Variants in PALLD observed in about 807,000 individuals in gnomAD.
PALLD encodes the protein palladin.
Under a neutral mutation model 123.5 loss-of-function variants are expected in PALLD, and 61 were observed. That is an observed-to-expected ratio of 0.49 (90% CI 0.40 to 0.61). The LOEUF (loss-of-function observed/expected upper bound fraction) is 0.61, where lower values mean the gene tolerates loss of function less well. Ranked by LOEUF, PALLD falls within the 20% of genes least tolerant of loss-of-function variation. The pLI, the probability that PALLD is intolerant of heterozygous loss-of-function variation, is 0.00. For missense variants in PALLD, 1,273 were observed against 1,377.0 expected (o/e 0.92, Z 1.20); for synonymous variants, 465 against 496.4 (o/e 0.94, Z 0.84).
At chr4:168,729,787 C>T (rs956654229) in intron 10 of PALLD, among the ~76,000 whole-genome samples, 25 of 152,190 alleles carry the variant, frequency 1.6e-4, no homozygotes, top group Non-Finnish European at 3.7e-4. Context: ...CTTCTAGACC[C>T]TGCTTGTCTG....
chr4:168,788,603 C>T (rs940237535), intron 10 of PALLD, among the ~76,000 whole-genome samples: 3 of 152,054 alleles, frequency 2.0e-5, no homozygotes, highest in African/African-American at 4.8e-5. Context: ...CAAGAGTGAA[C>T]GCTGGTGTAA....
At chr4:168,552,333 G>A (rs1237572048) in intron 2 of PALLD, among the ~76,000 whole-genome samples, 1 of 152,132 alleles carries the variant, frequency 6.6e-6, no homozygotes, top group Admixed American at 6.5e-5. Context: ...GAGTTGGTGA[G>A]AAACAAGCAG....
intron 2 of PALLD, among the ~76,000 whole-genome samples, chr4:168,534,365 AGCAGTG>A (rs1001158777): frequency 6.6e-6 from 1 of 152,252 alleles, no homozygotes; most frequent in Non-Finnish European, 1.5e-5. Context: ...AGGACATATC[AGCAGTG>A]GCACTATGAA....
At chr4:168,914,073 T>C (rs1560912883) in intron 16 of PALLD, 52 bp downstream of exon 16, 1 of 1,053,130 alleles carries the variant, frequency 9.5e-7, no homozygotes, top group East Asian at 2.5e-5. Context: ...TTTATTACTA[T>C]AAATGTAGTA....
chr4:168,572,946 ATT>A (rs3035617), intron 2 of PALLD, among the ~76,000 whole-genome samples: 6,131 of 145,360 alleles, frequency 0.042, 430 homozygotes, highest in African/African-American at 0.14. Flanking sequence ...TCTGGAGCAG[ATT>A]TTTTTTTTTA....
intron 10 of PALLD, among the ~76,000 whole-genome samples, chr4:168,798,507 G>T (rs991730299): frequency 6.6e-6 from 1 of 151,994 alleles, no homozygotes; most frequent in Non-Finnish European, 1.5e-5. Context: ...TTTTCTTACC[G>T]CTTCTACTAT....
chr4:168,925,428 G>A (rs1253964542), intron 21 of PALLD, 150 bp downstream of exon 21: 2 of 706,012 alleles, frequency 2.8e-6, no homozygotes, highest in Non-Finnish European at 5.2e-6. Flanking sequence ...TCTTGTTACT[G>A]TGTTCTGCAA....
chr4:168,577,714 C>CTGGCCA (rs1561266551), intron 2 of PALLD, among the ~76,000 whole-genome samples: 2 of 151,126 alleles, frequency 1.3e-5, no homozygotes, highest in African/African-American at 4.9e-5. Context: ...TTGGAGGACC[C>CTGGCCA]AAGAGTAGAG....
intron 10 of PALLD, among the ~76,000 whole-genome samples, chr4:168,770,216 C>T (rs1364787177): frequency 6.6e-6 from 1 of 152,204 alleles, no homozygotes; most frequent in Non-Finnish European, 1.5e-5. Flanking sequence ...TGGTAATATT[C>T]AGACTTGGAG....
chr4:168,671,728 C>A (rs139521567), intron 3 of PALLD, among the ~76,000 whole-genome samples: 3 of 152,290 alleles, frequency 2.0e-5, no homozygotes, highest in Admixed American at 2.0e-4. Context: ...ACTTATGACT[C>A]AAAGTAAGAA....
intron 2 of PALLD, among the ~76,000 whole-genome samples, chr4:168,528,799 C>T (rs975545598): frequency 2.0e-5 from 3 of 152,184 alleles, no homozygotes; most frequent in African/African-American, 7.2e-5. Flanking sequence ...TTATTATTTT[C>T]TCTCACTTAC....
intron 10 of PALLD, among the ~76,000 whole-genome samples, chr4:168,751,090 G>A (rs576299484): frequency 5.9e-5 from 9 of 151,396 alleles, no homozygotes; most frequent in East Asian, 3.9e-4. Context: ...TTGGCTCACC[G>A]TAACCTCCAC....
chr4:168,876,625 C>G (rs185952948), intron 10 of PALLD, among the ~76,000 whole-genome samples: 1 of 152,212 alleles, frequency 6.6e-6, no homozygotes, highest in Non-Finnish European at 1.5e-5. Flanking sequence ...GCTCATGATA[C>G]TTGAGAAAAG....
In PALLD at chr4:168,878,378, A is replaced by C; in HGVS notation, c.1965-12544A>C. 6.6e-7 allele frequency: 1 copy of C among 1,507,616 alleles called. No individual in the cohort carries two copies. The highest frequency in any genetic ancestry group is 1.4e-5 in the African/African-American group (1 of 71,024). The allele number at this position is 1,507,616 out of a possible 1,614,324, so 93.4% of individuals were successfully genotyped here. ...GGCCGTCAACGCCCTGGGGCTGCCCAAGGGTGTCACCCCCGCGTGAGTAAC... is the reference window on the plus strand; with the variant it reads ...GGCCGTCAACGCCCTGGGGCTGCCCCAGGGTGTCACCCCCGCGTGAGTAAC... On this transcript the variant is annotated intron_variant, in intron 10 of 21. Coordinates refer to ENST00000505667, the MANE Select transcript of PALLD (RefSeq NM_001166108.2).
At chr4:168,687,347 T>C (rs1332145816) in intron 6 of PALLD, among the ~76,000 whole-genome samples, 1 of 152,198 alleles carries the variant, frequency 6.6e-6, no homozygotes, top group Non-Finnish European at 1.5e-5. Flanking sequence ...CCTAAAACCA[T>C]GTCAATCTGA....
chr4:168,922,385 T>G (rs1041643764), intron 18 of PALLD, among the ~76,000 whole-genome samples: 2 of 152,234 alleles, frequency 1.3e-5, no homozygotes, highest in African/African-American at 4.8e-5. Context: ...CATTTATTTC[T>G]TCTACCTCTT....
At chr4:168,912,825 A>G (rs979782449) in intron 15 of PALLD, among the ~76,000 whole-genome samples, 2 of 152,154 alleles carry the variant, frequency 1.3e-5, no homozygotes, top group African/African-American at 4.8e-5. Flanking sequence ...CCTCCTATGT[A>G]GCTGTAATTT....
chr4:168,914,070 C>T, intron 16 of PALLD, 49 bp downstream of exon 16: 1 of 1,071,186 alleles, frequency 9.3e-7, no homozygotes, highest in Non-Finnish European at 1.4e-6. Context: ...TTATTTATTA[C>T]TATAAATGTA....
At chr4:168,705,737 A>C (rs1437502656) in intron 8 of PALLD, among the ~76,000 whole-genome samples, 1 of 152,092 alleles carries the variant, frequency 6.6e-6, no homozygotes, top group Non-Finnish European at 1.5e-5. Flanking sequence ...CCCGGGTTCA[A>C]GCAATTCTCC....
Sources: gnomAD v4.1 joint callset for allele counts (sites outside exome capture counted in the v4.1 genomes callset) on GRCh38, gnomAD v4.1.1 for gene constraint, MANE v1.5 for transcripts, NCBI Gene and HGNC (gene_info 2026-07-23, HGNC 2026-07-21) for gene names.